The following HEPACAM2 variants were observed in gnomAD, a reference collection of about 807,000 sequenced individuals.
HEPACAM2 encodes mitotic kinetics regulator.
A neutral mutation model predicts 49.6 loss-of-function variants in HEPACAM2; 49 were observed. That is an observed-to-expected ratio of 0.99 (90% CI 0.78 to 1.25). The LOEUF is 1.25. Among genes scored for constraint, HEPACAM2 ranks in the 50% most tolerant of loss-of-function variants. HEPACAM2 has a pLI of 0.00. For synonymous variants in HEPACAM2, 197 were observed against 202.9 expected, an observed-to-expected ratio of 0.97 and a Z score of 0.25; for missense variants, 525 against 557.2, an observed-to-expected ratio of 0.94 and a Z score of 0.58.
intron 3 of HEPACAM2, among the ~76,000 whole-genome samples, chr7:93,214,380 T>G (rs1298433037): frequency 3.3e-5 from 5 of 152,284 alleles, no homozygotes; most frequent in African/African-American, 1.2e-4. Flanking sequence ...GCCATGTAGA[T>G]AATTCATCTT....
intron 9 of HEPACAM2, among the ~76,000 whole-genome samples, chr7:93,189,841 G>A (rs1336188349): frequency 6.6e-6 from 1 of 151,970 alleles, no homozygotes; most frequent in Non-Finnish European, 1.5e-5. Context: ...GCACATTCAA[G>A]TTGGGAATAG....
chr7:93,202,068 C>G (rs1426162482), intron 4 of HEPACAM2, among the ~76,000 whole-genome samples: 1 of 107,626 alleles, frequency 9.3e-6, no homozygotes, highest in African/African-American at 3.4e-5. Flanking sequence ...ACCAGAAAAA[C>G]TGGTAAGAAA....
At chr7:93,230,094 G>A (rs889475655), upstream of HEPACAM2, among the ~76,000 whole-genome samples, 1 of 152,098 alleles carries the variant, frequency 6.6e-6, no homozygotes, top group Non-Finnish European at 1.5e-5. Context: ...GTAAAACAAA[G>A]TTTCAATACT....
At chr7:93,210,276 C>T (rs1321439585) in intron 3 of HEPACAM2, among the ~76,000 whole-genome samples, 1 of 151,858 alleles carries the variant, frequency 6.6e-6, no homozygotes, top group Non-Finnish European at 1.5e-5. Flanking sequence ...CAGATAACAA[C>T]ATTTAATATT....
chr7:93,199,187 A>T lies in HEPACAM2; in HGVS notation c.1013-1577T>A, dbSNP rs1331367892. Among the ~76,000 whole-genome samples the T allele has an allele frequency of 3.9e-5, 6 of 152,086 alleles. No individual in the cohort carries two copies. The South Asian group carries it at 6.2e-4, about 16-fold the overall frequency. ...CATTCTTAAAATGTTATTCTATGGG[A>T]TTATAATATCTGTGTCCTGCTTATT... On this transcript the variant is annotated intron_variant, in intron 4 of 9. Coordinates refer to ENST00000394468, the MANE Select transcript of HEPACAM2 (RefSeq NM_001039372.4).
intron 3 of HEPACAM2, among the ~76,000 whole-genome samples, chr7:93,209,769 T>C (rs562996581): frequency 1.3e-5 from 2 of 152,120 alleles, no homozygotes; most frequent in East Asian, 3.9e-4. Context: ...CTTTCAGTAT[T>C]ATCTATTTTT....
At chr7:93,228,885 G>GTGTGTA (rs748458673), upstream of HEPACAM2, among the ~76,000 whole-genome samples, 80 of 152,014 alleles carry the variant, frequency 5.3e-4, 1 homozygote, top group East Asian at 2.1e-3. Flanking sequence ...GTGTGTGTGT[G>GTGTGTA]TGTATGTGTG....
chr7:93,208,522 G>A, intron 4 of HEPACAM2, 58 bp downstream of exon 4: 1 of 1,441,352 alleles, frequency 6.9e-7, no homozygotes, highest in Non-Finnish European at 9.6e-7. Flanking sequence ...TAGGGGAAGT[G>A]CAAGGCCAGC....
intron 4 of HEPACAM2, among the ~76,000 whole-genome samples, chr7:93,204,862 G>T (rs1019434677): frequency 2.6e-5 from 4 of 152,130 alleles, no homozygotes; most frequent in African/African-American, 9.7e-5. Flanking sequence ...CACTTTGGGA[G>T]GCCGAGGTGG....
intron 8 of HEPACAM2, among the ~76,000 whole-genome samples, chr7:93,192,692 A>G (rs1185148702): frequency 6.6e-6 from 1 of 152,086 alleles, no homozygotes; most frequent in Non-Finnish European, 1.5e-5. Context: ...GATATCTTAG[A>G]ATCAGATAGC....
At chr7:93,204,795 A>C (rs1793987588) in intron 4 of HEPACAM2, among the ~76,000 whole-genome samples, 1 of 152,108 alleles carries the variant, frequency 6.6e-6, no homozygotes, top group South Asian at 2.1e-4. Context: ...CAGTTTGTAT[A>C]GTGGTTAAAA....
chr7:93,215,517 T>TG lies in HEPACAM2; in HGVS notation c.598dup (p.Gln200ProfsTer28), dbSNP rs754856674. 1.2e-6 allele frequency: 2 copies of TG among 1,613,880 alleles called. No homozygotes were observed. The highest frequency in any genetic ancestry group is 4.5e-5 in the East Asian group (2 of 44,872). On this transcript the variant is annotated frameshift_variant, in exon 3 of 10. Transcript: ENST00000394468. LOFTEE classifies it high-confidence loss of function. ...TGGAGCAATATGAAGGGTATTGTTTTGGGGAGAAAAGGAGTAGGTGGAGCT... is the reference window on the plus strand; with the variant it reads ...TGGAGCAATATGAAGGGTATTGTTTTGGGGGAGAAAAGGAGTAGGTGGAGCT...
chr7:93,229,419 C>A (rs117033279), upstream of HEPACAM2, among the ~76,000 whole-genome samples: 1 of 152,166 alleles, frequency 6.6e-6, no homozygotes, highest in African/African-American at 2.4e-5. Flanking sequence ...GAAGTGTAGT[C>A]ATATCATCTT....
intron 4 of HEPACAM2, among the ~76,000 whole-genome samples, chr7:93,199,395 G>A (rs1160584476): frequency 2.0e-5 from 3 of 152,086 alleles, no homozygotes; most frequent in Admixed American, 6.6e-5. Flanking sequence ...TTCTCCCACT[G>A]TTAGAAGGCT....
intron 4 of HEPACAM2, among the ~76,000 whole-genome samples, chr7:93,204,324 C>CCCTA (rs374401418): frequency 6.8e-6 from 1 of 147,536 alleles, no homozygotes; most frequent in East Asian, 2.0e-4. Context: ...CATAAACATT[C>CCCTA]TCTATCTATC....
rs574744671 is a variant in HEPACAM2 at position 93,212,462 on chromosome 7, T to C, written c.715+2939A>G. 3.9e-5 allele frequency among the ~76,000 whole-genome samples: 6 copies of C among 152,172 alleles called. No homozygotes were observed. In the South Asian group the frequency reaches 1.2e-3, roughly 32 times the overall value. ...GCATTTCAGTTCCTTGCTTCTGATATGTTTCTTAAAAAGTAACATAGTTTA... is the reference window on the plus strand; with the variant it reads ...GCATTTCAGTTCCTTGCTTCTGATACGTTTCTTAAAAAGTAACATAGTTTA... On this transcript the variant is annotated intron_variant, in intron 3 of 9. Transcript: ENST00000394468.
intron 3 of HEPACAM2, among the ~76,000 whole-genome samples, chr7:93,212,399 C>T (rs938660910): frequency 2.0e-5 from 3 of 151,996 alleles, no homozygotes; most frequent in African/African-American, 7.2e-5. Context: ...GCCCCCACCT[C>T]AACACCTCTT....
chr7:93,219,162 C>A lies in HEPACAM2; in HGVS notation c.369G>T (p.Lys123Asn), dbSNP rs748191722. The part of the protein sequence containing the change: ...QFPDEGNYIV[K>N]VNIQGNGTLS... ...GAGTTCCATTTCCCTGAATGTTGAC[C>A]TTCACGATGTAATTGCCTTCATCAG... The change falls in exon 2 of 10, where the codon AAG (lysine) becomes AAT (asparagine). Residue 123 changes from lysine to asparagine, a missense_variant. By Grantham distance (94) the Lys-to-Asn change is moderately conservative. Transcript: ENST00000394468. The A allele has an allele frequency of 6.2e-7, 1 of 1,613,946 alleles. No individual in the cohort carries two copies. Among genetic ancestry groups the A allele is most frequent in the Non-Finnish European group, 8.5e-7 (1 of 1,179,906 alleles).
chr7:93,208,834 T>A lies in HEPACAM2; in HGVS notation c.758A>T (p.Lys253Ile). 1 of 1,611,344 alleles carries A rather than the reference T, an allele frequency of 6.2e-7. No homozygotes were observed. Among genetic ancestry groups the A allele is most frequent in the Non-Finnish European group, 8.5e-7 (1 of 1,178,416 alleles). Residue 253 changes from lysine (K) to isoleucine (I), a missense_variant, in exon 4 of 10, where the codon AAA becomes ATA. Coordinates refer to ENST00000394468, the MANE Select transcript of HEPACAM2 (RefSeq NM_001039372.4). ...GLQVNSDKGL[K>I]VGEVFTVDLG... ...GTCAACAGTAAACACTTCCCCTACT[T>A]TTAGCCCTTTATCAGAATTCACTTG... is the stretch of plus-strand genomic sequence containing the variant.
Sources: gnomAD v4.1 joint callset for allele counts (sites outside exome capture counted in the v4.1 genomes callset) on GRCh38, gnomAD v4.1.1 for gene constraint, MANE v1.5 for transcripts, NCBI Gene and HGNC (gene_info 2026-07-23, HGNC 2026-07-21) for gene names.